Variants in SLC8A1 observed in about 807,000 individuals in gnomAD.
SLC8A1 encodes the protein sodium/calcium exchanger 1.
A neutral mutation model predicts 68.3 loss-of-function variants in SLC8A1; 18 were observed. The observed-to-expected ratio is 0.26, with a 90% confidence interval of 0.18 to 0.39. The LOEUF is 0.39. Among genes scored for constraint, SLC8A1 ranks in the 10% least tolerant of loss-of-function variants. SLC8A1 has a pLI of 1.00. For synonymous variants in SLC8A1, 475 were observed against 415.5 expected (o/e 1.14, Z -1.74); for missense variants, 985 against 1,156.7 (o/e 0.85, Z 2.15).
intron 2 of SLC8A1, among the ~76,000 whole-genome samples, chr2:40,228,486 C>A (rs1352814335): frequency 6.6e-6 from 1 of 152,180 alleles, no homozygotes; most frequent in African/African-American, 2.4e-5. Context: ...CTGGGGAATT[C>A]AACAGTAGAA....
At chr2:40,329,043 C>G (rs574057547) in intron 2 of SLC8A1, among the ~76,000 whole-genome samples, 3 of 146,912 alleles carry the variant, frequency 2.0e-5, no homozygotes, top group South Asian at 2.2e-4. Flanking sequence ...CTATTTTCAT[C>G]TCCTCACACT....
At chr2:40,307,924 T>A (rs2149292877) in intron 2 of SLC8A1, among the ~76,000 whole-genome samples, 1 of 152,072 alleles carries the variant, frequency 6.6e-6, no homozygotes, top group Middle Eastern at 3.4e-3. Context: ...TGAAAATAAT[T>A]GCCAGTTCTG....
chr2:40,318,674 C>T (rs938788325), intron 2 of SLC8A1, among the ~76,000 whole-genome samples: 7 of 151,886 alleles, frequency 4.6e-5, no homozygotes, highest in African/African-American at 1.5e-4. Context: ...AGATATTTTA[C>T]AAAATTCAGT....
intron 2 of SLC8A1, among the ~76,000 whole-genome samples, chr2:40,295,823 G>C (rs925107590): frequency 2.6e-5 from 4 of 152,098 alleles, no homozygotes; most frequent in Non-Finnish European, 4.4e-5. Flanking sequence ...TCTACAATTA[G>C]AATTCATTAT....
At chr2:40,238,319 T>A (rs966514200) in intron 2 of SLC8A1, among the ~76,000 whole-genome samples, 2 of 152,222 alleles carry the variant, frequency 1.3e-5, no homozygotes. Flanking sequence ...GGGCCGTTTT[T>A]TAAGCCCGTT....
At chr2:40,276,076 G>C (rs1467512549) in intron 2 of SLC8A1, among the ~76,000 whole-genome samples, 1 of 152,188 alleles carries the variant, frequency 6.6e-6, no homozygotes, top group East Asian at 1.9e-4. Context: ...AAATCTACTT[G>C]TCTATCTAAA....
chr2:40,370,608 T>C (rs368236765), intron 2 of SLC8A1, among the ~76,000 whole-genome samples: 2 of 152,096 alleles, frequency 1.3e-5, no homozygotes, highest in South Asian at 4.1e-4. Flanking sequence ...CAAAACTACA[T>C]TTAACTTGAA....
intron 2 of SLC8A1, among the ~76,000 whole-genome samples, chr2:40,194,215 C>G (rs1162745218): frequency 2.6e-5 from 4 of 151,932 alleles, no homozygotes; most frequent in African/African-American, 9.7e-5. Context: ...AGCCTTATGA[C>G]AAAATGATAT....
intron 7 of SLC8A1, among the ~76,000 whole-genome samples, chr2:40,133,708 CCCCCA>C (rs796085749): frequency 0.39 from 58,219 of 150,852 alleles, 11,546 homozygotes; most frequent in East Asian, 0.62. Context: ...AAATCCCCCC[CCCCCA>C]CCGACTCATC....
chr2:40,273,861 G>C (rs955988471), intron 2 of SLC8A1, among the ~76,000 whole-genome samples: 4 of 144,712 alleles, frequency 2.8e-5, no homozygotes, highest in African/African-American at 1.0e-4. Flanking sequence ...AATATGCCAA[G>C]TCCTTTTTTT....
chr2:40,238,037 A>G (rs1348686023), intron 2 of SLC8A1, among the ~76,000 whole-genome samples: 3 of 152,208 alleles, frequency 2.0e-5, no homozygotes, highest in Admixed American at 1.3e-4. Flanking sequence ...TTAAGTCTGC[A>G]AAAGTTACTG....
At chr2:40,353,991 T>C (rs1575632798) in intron 2 of SLC8A1, among the ~76,000 whole-genome samples, 1 of 152,214 alleles carries the variant, frequency 6.6e-6, no homozygotes, top group South Asian at 2.1e-4. Flanking sequence ...ATCAACACAA[T>C]GCCAGGTTGA....
intron 2 of SLC8A1, among the ~76,000 whole-genome samples, chr2:40,212,658 C>G (rs1481337733): frequency 6.6e-6 from 1 of 152,188 alleles, no homozygotes; most frequent in East Asian, 1.9e-4. Context: ...CTTCTGAAGG[C>G]ATTAGGAGCA....
chr2:40,237,478 G>T (rs1335633619), intron 2 of SLC8A1, among the ~76,000 whole-genome samples: 1 of 151,974 alleles, frequency 6.6e-6, no homozygotes, highest in Non-Finnish European at 1.5e-5. Context: ...GCATTTCTCT[G>T]TATTGGTTAT....
chr2:40,198,018 A>C (rs1156274557), intron 2 of SLC8A1, among the ~76,000 whole-genome samples: 2 of 152,020 alleles, frequency 1.3e-5, no homozygotes, highest in African/African-American at 2.4e-5. Context: ...GAAGGACAGG[A>C]GTGCATATCA....
At chr2:40,444,772 G>A (rs192194424) in intron 1 of SLC8A1, among the ~76,000 whole-genome samples, 11 of 152,240 alleles carry the variant, frequency 7.2e-5, no homozygotes, top group East Asian at 1.9e-4. Context: ...GAACACAGCC[G>A]TGCCCATTCA....
intron 2 of SLC8A1, among the ~76,000 whole-genome samples, chr2:40,382,533 G>A (rs902781114): frequency 2.0e-5 from 3 of 152,092 alleles, no homozygotes; most frequent in African/African-American, 4.8e-5. Flanking sequence ...TGCCTTGTAA[G>A]TACTAATAAA....
chr2:40,156,231 T>C (rs1393403755), intron 6 of SLC8A1, among the ~76,000 whole-genome samples: 4 of 152,178 alleles, frequency 2.6e-5, no homozygotes, highest in South Asian at 2.1e-4. Flanking sequence ...TGTTTCAGTA[T>C]TGGATGGTAT....
At chr2:40,235,589 C>G (rs934062519) in intron 2 of SLC8A1, among the ~76,000 whole-genome samples, 4 of 151,910 alleles carry the variant, frequency 2.6e-5, no homozygotes, top group African/African-American at 9.7e-5. Flanking sequence ...TTTTTGGTGT[C>G]TCTATTTCCT....
Sources: allele counts gnomAD v4.1 joint callset (sites outside exome capture counted in the v4.1 genomes callset), GRCh38; gene constraint gnomAD v4.1.1; transcripts MANE v1.5; gene names NCBI Gene and HGNC (gene_info 2026-07-23, HGNC 2026-07-21).